The following SGCG variants were observed in gnomAD, a reference collection of about 807,000 sequenced individuals.
The protein encoded by SGCG is sarcoglycan gamma.
In SGCG, 26 loss-of-function variants were observed where a neutral mutation model predicts 29.3. The ratio of observed to expected loss-of-function variants is 0.89; its 90% CI spans 0.65 to 1.23. The LOEUF is 1.23. Ranked by LOEUF, SGCG falls within the 50% of genes most tolerant of loss-of-function variation. SGCG has a pLI of 0.00. For missense variants in SGCG, 353 were observed against 356.0 expected, an observed-to-expected ratio of 0.99 and a Z score of 0.07; for synonymous variants, 145 against 129.7, an observed-to-expected ratio of 1.12 and a Z score of -0.80.
At chr13:23,217,376 C>G (rs1034139563) in intron 2 of SGCG, 3 of 151,944 alleles carry the variant, frequency 2.0e-5, no homozygotes, top group Non-Finnish European at 4.4e-5. Context: ...ATATGCCAGT[C>G]CCCCGATTAA....
chr13:23,202,169 G>A (rs1457294291), intron 1 of SGCG, among the ~76,000 whole-genome samples: 4 of 152,202 alleles, frequency 2.6e-5, no homozygotes, highest in African/African-American at 2.4e-5. Context: ...AGACATCAGC[G>A]AAGTCCGGCT....
At chr13:23,320,837 G>A (rs1883010920) in intron 7 of SGCG, 77 bp downstream of exon 7, 1 of 1,450,222 alleles carries the variant, frequency 6.9e-7, no homozygotes, top group Non-Finnish European at 9.6e-7. Context: ...AAAGCTATCA[G>A]TATTAAATTT....
At chr13:23,187,013 G>A (rs1877004324) in intron 1 of SGCG, among the ~76,000 whole-genome samples, 3 of 152,176 alleles carry the variant, frequency 2.0e-5, no homozygotes, top group South Asian at 4.1e-4. Flanking sequence ...CTGTATCCAG[G>A]TTCAGCATCA....
chr13:23,289,183 A>T lies in SGCG; in HGVS notation c.506-6232A>T, dbSNP rs181432568. On this transcript the variant is annotated intron_variant, in intron 5 of 7. Transcript: ENST00000218867. ...AAACACATACCCAAGGGCACAGAAC[A>T]CTGTCTGATGCAGCACTGCACGCAG... is the stretch of plus-strand genomic sequence containing the variant. Among the ~76,000 whole-genome samples, 567 of 152,332 alleles carry T rather than the reference A, an allele frequency of 3.7e-3. 1 individual carries two copies. Among genetic ancestry groups the T allele is most frequent in the African/African-American group, 0.013 (533 of 41,574 alleles).
At chr13:23,304,975 G>T (rs376829774) in intron 6 of SGCG, among the ~76,000 whole-genome samples, 1 of 123,264 alleles carries the variant, frequency 8.1e-6, no homozygotes, top group African/African-American at 3.2e-5. Flanking sequence ...AGGCTTGCAC[G>T]TGCTCACAGG....
chr13:23,296,161 C>CAT (rs1441727436), intron 6 of SGCG, among the ~76,000 whole-genome samples: 1 of 152,192 alleles, frequency 6.6e-6, no homozygotes, highest in Non-Finnish European at 1.5e-5. Flanking sequence ...AAAGCATGTG[C>CAT]ATATATATAT....
chr13:23,208,395 CA>C (rs1878062117), intron 2 of SGCG, among the ~76,000 whole-genome samples: 1 of 151,976 alleles, frequency 6.6e-6, no homozygotes, highest in African/African-American at 2.4e-5. Context: ...ATGATATATT[CA>C]AAAATGCCCA....
upstream of SGCG, among the ~76,000 whole-genome samples, chr13:23,177,364 G>A (rs1177806520): frequency 2.0e-5 from 3 of 152,128 alleles, no homozygotes; most frequent in Non-Finnish European, 4.4e-5. Flanking sequence ...GGGATTTTGT[G>A]TGTTCCCACC....
At chr13:23,252,725 T>C (rs1227623107) in intron 4 of SGCG, among the ~76,000 whole-genome samples, 1 of 152,040 alleles carries the variant, frequency 6.6e-6, no homozygotes, top group Non-Finnish European at 1.5e-5. Context: ...AACAAAAAAG[T>C]TAATTAGTAC....
Position 23,273,727 on chromosome 13 carries a change from G to A in SGCG, c.386-5632G>A, listed in dbSNP as rs76168001. 7.7e-3 allele frequency among the ~76,000 whole-genome samples: 1,168 copies of A among 152,236 alleles called. 18 individuals are homozygous for A. The highest frequency in any genetic ancestry group is 0.026 in the African/African-American group (1,081 of 41,534). Reference sequence around the variant, plus strand: ...TTCTAGATTTATTGTATTGTGTTTAGGGAGTATTATGTGTGGTCTTTCTAC... The same window carrying A: ...TTCTAGATTTATTGTATTGTGTTTAAGGAGTATTATGTGTGGTCTTTCTAC... On this transcript the variant is annotated intron_variant, in intron 4 of 7. Coordinates refer to ENST00000218867, the MANE Select transcript of SGCG (RefSeq NM_000231.3).
At chr13:23,316,642 A>C (rs1205691364) in intron 6 of SGCG, among the ~76,000 whole-genome samples, 1 of 152,156 alleles carries the variant, frequency 6.6e-6, no homozygotes, top group Non-Finnish European at 1.5e-5. Context: ...CCAGGAATCA[A>C]GGGGTGGAAG....
intron 1 of SGCG, among the ~76,000 whole-genome samples, chr13:23,185,756 G>A (rs1162128582): frequency 3.9e-5 from 6 of 152,212 alleles, no homozygotes; most frequent in African/African-American, 1.4e-4. Flanking sequence ...CTGATAAAAC[G>A]TTGGAGTGTG....
intron 1 of SGCG, among the ~76,000 whole-genome samples, chr13:23,192,526 C>T (rs2004430): frequency 0.76 from 115,031 of 151,872 alleles, 43,714 homozygotes; most frequent in East Asian, 0.87. Context: ...CCCGAGTAGC[C>T]GGGATTACAG....
At chr13:23,184,238 G>C (rs8002237) in intron 1 of SGCG, among the ~76,000 whole-genome samples, 3,112 of 152,232 alleles carry the variant, frequency 0.02, 107 homozygotes, top group African/African-American at 0.071. Flanking sequence ...ATTTCTTTAC[G>C]CATTTAGAAG....
At position 23,292,389 on chromosome 13, in the gene SGCG, C is replaced by T. The variant is rs528163233; in HGVS notation, c.506-3026C>T. ...CCTCCCAAAGTGCTGGGATTACCGG[C>T]GTGAGCCACTGCGCCCACCGACGTT... On this transcript the variant is annotated intron_variant, in intron 5 of 7. Transcript: ENST00000218867. Among the ~76,000 whole-genome samples, 15 of 152,104 alleles carry T rather than the reference C, an allele frequency of 9.9e-5. No individual in the cohort carries two copies. In the East Asian group the frequency reaches 2.9e-3, roughly 29 times the overall value.
chr13:23,283,706 G>T (rs1040214803), intron 5 of SGCG, among the ~76,000 whole-genome samples: 5 of 152,200 alleles, frequency 3.3e-5, no homozygotes, highest in Non-Finnish European at 7.3e-5. Context: ...TTTCTTCGTA[G>T]TGTCAATGGT....
chr13:23,267,092 ACTTT>A (rs1401702623), intron 4 of SGCG, among the ~76,000 whole-genome samples: 2 of 152,220 alleles, frequency 1.3e-5, no homozygotes, highest in Non-Finnish European at 2.9e-5. Flanking sequence ...ACTGTTGTTC[ACTTT>A]CTTTCTATTT....
At chr13:23,310,295 C>T (rs952233133) in intron 6 of SGCG, among the ~76,000 whole-genome samples, 1 of 151,862 alleles carries the variant, frequency 6.6e-6, no homozygotes, top group Admixed American at 6.6e-5. Flanking sequence ...ACCCTATTAG[C>T]CAGGGTGGTC....
chr13:23,175,439 A>G, the SGCG span, among the ~76,000 whole-genome samples: 2 of 152,198 alleles, frequency 1.3e-5, no homozygotes, highest in Non-Finnish European at 2.9e-5. Flanking sequence ...TGCACACATC[A>G]CACTTACATT....
Sources: allele counts gnomAD v4.1 joint callset (sites outside exome capture counted in the v4.1 genomes callset), GRCh38; gene constraint gnomAD v4.1.1; transcripts MANE v1.5; gene names NCBI Gene and HGNC (gene_info 2026-07-23, HGNC 2026-07-21).